The following RAB4A variants were observed in gnomAD, a reference collection of about 807,000 sequenced individuals.
RAB4A encodes RAB4A, member RAS oncogene family, also known as ras-related protein Rab-4A.
Under a neutral mutation model 34.5 loss-of-function variants are expected in RAB4A, and 20 were observed. The ratio of observed to expected loss-of-function variants is 0.58; its 90% CI spans 0.41 to 0.84. The LOEUF (loss-of-function observed/expected upper bound fraction) is 0.84, where lower values mean the gene tolerates loss of function less well. Among genes scored for constraint, RAB4A ranks in the 40% least tolerant of loss-of-function variants. RAB4A has a pLI of 0.00. For synonymous variants in RAB4A, 102 were observed against 100.0 expected (o/e 1.02, Z -0.12); for missense variants, 228 against 274.5 (o/e 0.83, Z 1.20).
At chr1:229,276,816 G>A (rs945023462) in intron 1 of RAB4A, among the ~76,000 whole-genome samples, 13 of 150,670 alleles carry the variant, frequency 8.6e-5, no homozygotes, top group Admixed American at 2.6e-4. Context: ...AAAGTTCTTC[G>A]TCGTAGTGAC....
intron 1 of RAB4A, among the ~76,000 whole-genome samples, chr1:229,278,987 A>G (rs764230420): frequency 2.0e-5 from 3 of 152,158 alleles, no homozygotes; most frequent in Non-Finnish European, 4.4e-5. Flanking sequence ...TTTCAACTTA[A>G]TCTCTGAATT....
chr1:229,273,537 C>T (rs1029768776), intron 1 of RAB4A, among the ~76,000 whole-genome samples: 1 of 152,152 alleles, frequency 6.6e-6, no homozygotes, highest in Non-Finnish European at 1.5e-5. Context: ...CTCAGGAGTT[C>T]AATACCAGCC....
chr1:229,301,647 G>T, intron 6 of RAB4A, among the ~76,000 whole-genome samples: 1 of 151,860 alleles, frequency 6.6e-6, no homozygotes. Flanking sequence ...AAAATCATAA[G>T]TACCTCTAGG....
Position 229,296,049 on chromosome 1 carries a change from T to A in RAB4A, c.290+139T>A, listed in dbSNP as rs367560225. ...TGTGGCTGGCATCCAGGAAGCCCCT[T>A]AGCCCTTCCATCTGGGGTCTCAGAG... is the stretch of plus-strand genomic sequence containing the variant. On this transcript the variant is annotated intron_variant, in intron 4 of 7. Coordinates refer to ENST00000366690, the MANE Select transcript of RAB4A (RefSeq NM_004578.4). 9.1e-5 allele frequency: 69 copies of A among 757,756 alleles called. 1 individual carries two copies. The East Asian group carries it at 1.1e-3, about 12-fold the overall frequency. The allele number at this position is 757,756 out of a possible 1,614,324, so 46.9% of individuals were successfully genotyped here.
chr1:229,305,515 T>C lies in RAB4A; in HGVS notation c.*1722T>C, dbSNP rs1657528063. ...TGCTGGAGAACCAAACCATGGTGGTTCTTAATCAGGCTTTGCCTTTAGGGA... is the reference window on the plus strand; with the variant it reads ...TGCTGGAGAACCAAACCATGGTGGTCCTTAATCAGGCTTTGCCTTTAGGGA... On this transcript the variant is annotated 3_prime_UTR_variant, in exon 8 of 8. Transcript: ENST00000366690. 2.5e-6 allele frequency: 1 copy of C among 400,246 alleles called. No individual in the cohort carries two copies. Among genetic ancestry groups the C allele is most frequent in the South Asian group, 6.4e-5 (1 of 15,728 alleles). 24.8% of individuals were successfully genotyped at this position (400,246 alleles called of 1,614,324 possible). A position where few individuals can be genotyped will look rare whatever the true frequency, so the allele number is the denominator to read the frequency against.
chr1:229,296,319 AC>A (rs1212361771), intron 4 of RAB4A, among the ~76,000 whole-genome samples: 1 of 151,852 alleles, frequency 6.6e-6, no homozygotes. Flanking sequence ...TAGCTGATTG[AC>A]CCTCTCAGGC....
At chr1:229,276,370 A>G (rs575703348) in intron 1 of RAB4A, among the ~76,000 whole-genome samples, 2 of 151,472 alleles carry the variant, frequency 1.3e-5, no homozygotes, top group East Asian at 3.9e-4. Context: ...TTTTGAAAAA[A>G]CAAAATATTC....
intron 1 of RAB4A, among the ~76,000 whole-genome samples, chr1:229,273,753 A>G (rs924701868): frequency 6.6e-6 from 1 of 152,164 alleles, no homozygotes; most frequent in African/African-American, 2.4e-5. Context: ...AAAGAAAATG[A>G]GTTTTAGAAG....
At chr1:229,288,593 A>G in intron 2 of RAB4A, 136 bp from the exon 3 acceptor site, 1 of 562,424 alleles carries the variant, frequency 1.8e-6, no homozygotes, top group Non-Finnish European at 3.1e-6. Flanking sequence ...TCTCAATGGA[A>G]TGTTGGAGAA....
chr1:229,292,178 T>C (rs1657104379), intron 3 of RAB4A, among the ~76,000 whole-genome samples: 1 of 151,548 alleles, frequency 6.6e-6, no homozygotes, highest in Non-Finnish European at 1.5e-5. Context: ...ATATGTAACC[T>C]GCACATTGTG....
intron 3 of RAB4A, among the ~76,000 whole-genome samples, chr1:229,295,122 G>C (rs1007189196): frequency 6.6e-6 from 1 of 151,902 alleles, no homozygotes; most frequent in Admixed American, 6.6e-5. Flanking sequence ...GCCATACCTG[G>C]CTAATTTTTT....
chr1:229,286,384 G>C (rs753401811), intron 1 of RAB4A, 102 bp from the exon 2 acceptor site: 2 of 690,068 alleles, frequency 2.9e-6, no homozygotes, highest in East Asian at 6.0e-5. Context: ...TCTTTTTCCT[G>C]TTATATTAAC....
intron 6 of RAB4A, 56 bp downstream of exon 6, chr1:229,299,128 G>A: frequency 1.7e-6 from 2 of 1,183,848 alleles, no homozygotes; most frequent in Non-Finnish European, 2.4e-6. Flanking sequence ...CTGTAGCTCA[G>A]TAGATCACCT....
In RAB4A at chr1:229,297,587, A is replaced by G. The variant is rs778702918; in HGVS notation, c.396A>G (p.Ala132=). The stretch of plus-strand genomic sequence containing the variant: ...GTGGAAACAAGAAGGACCTGGATGC[A>G]GATCGTGAAGTTACCTTCTTAGAAG... ...ILCGNKKDLD[A]DREVTFLEAS... Residue 132 remains alanine (A), a synonymous_variant, in exon 5 of 8, where the codon GCA becomes GCG. Transcript: ENST00000366690. The G allele has an allele frequency of 2.2e-5, 36 of 1,611,700 alleles. No individual in the cohort carries two copies. The highest frequency in any genetic ancestry group is 2.7e-5 in the Non-Finnish European group (32 of 1,179,588).
At chr1:229,295,571 C>T (rs888978440) in intron 3 of RAB4A, among the ~76,000 whole-genome samples, 11 of 152,260 alleles carry the variant, frequency 7.2e-5, no homozygotes, top group East Asian at 1.9e-4. Flanking sequence ...TGCTGGCTTC[C>T]GCAGACAGCT....
intron 3 of RAB4A, among the ~76,000 whole-genome samples, chr1:229,295,637 A>G (rs1040242829): frequency 8.5e-5 from 13 of 152,188 alleles, no homozygotes; most frequent in East Asian, 3.9e-4. Context: ...ATCCGCTGTG[A>G]AGGAATCTCC....
At chr1:229,299,926 G>C (rs1657337427) in intron 6 of RAB4A, among the ~76,000 whole-genome samples, 1 of 152,144 alleles carries the variant, frequency 6.6e-6, no homozygotes, top group African/African-American at 2.4e-5. Context: ...GGAGGTCTTA[G>C]ATGAGCTCAG....
chr1:229,282,924 T>A (rs533608308), intron 1 of RAB4A, among the ~76,000 whole-genome samples: 1 of 152,326 alleles, frequency 6.6e-6, no homozygotes, highest in African/African-American at 2.4e-5. Context: ...CTAACATTTG[T>A]CATCTTGACA....
chr1:229,301,790 C>A (rs1657391747), intron 6 of RAB4A, among the ~76,000 whole-genome samples: 1 of 151,872 alleles, frequency 6.6e-6, no homozygotes, highest in Admixed American at 6.6e-5. Flanking sequence ...GACTACCACG[C>A]CTTGCTTTTT....
Sources: gnomAD v4.1 joint callset for allele counts (sites outside exome capture counted in the v4.1 genomes callset) on GRCh38, gnomAD v4.1.1 for gene constraint, MANE v1.5 for transcripts, NCBI Gene and HGNC (gene_info 2026-07-23, HGNC 2026-07-21) for gene names.